SCN8A: variants seen among roughly 807,000 people sequenced by gnomAD.
SCN8A encodes sodium voltage-gated channel alpha subunit 8.
A neutral mutation model predicts 184.1 loss-of-function variants in SCN8A; 30 were observed. The ratio of observed to expected loss-of-function variants is 0.16; its 90% CI spans 0.12 to 0.22. The LOEUF (loss-of-function observed/expected upper bound fraction) is 0.22. Among genes scored for constraint, SCN8A ranks in the 10% least tolerant of loss-of-function variants. The pLI is 1.00. For missense variants in SCN8A, 1,057 were observed against 2,498.9 expected, an observed-to-expected ratio of 0.42 and a Z score of 12.30; for synonymous variants, 852 against 907.0, an observed-to-expected ratio of 0.94 and a Z score of 1.09.
intron 24 of SCN8A, among the ~76,000 whole-genome samples, 158 bp from the exon 25 acceptor site, chr12:51,790,240 T>C (rs1356942969): frequency 6.6e-6 from 1 of 152,226 alleles, no homozygotes; most frequent in South Asian, 2.1e-4. Flanking sequence ...TCTTTAGAGC[T>C]GAATGATTAT....
chr12:51,612,775 G>A (rs1227663861), intron 1 of SCN8A, among the ~76,000 whole-genome samples: 2 of 152,070 alleles, frequency 1.3e-5, no homozygotes, highest in Admixed American at 6.6e-5. Context: ...AGGCTGGAGT[G>A]CAATGGTACG....
At chr12:51,618,458 A>AACACACACAC (rs56163627) in intron 1 of SCN8A, among the ~76,000 whole-genome samples, 90 of 138,938 alleles carry the variant, frequency 6.5e-4, no homozygotes, top group African/African-American at 2.2e-3. Context: ...ATACCAGAGC[A>AACACACACAC]ACACACACAC....
At chr12:51,728,966 T>C (rs1942198220) in intron 12 of SCN8A, among the ~76,000 whole-genome samples, 1 of 152,110 alleles carries the variant, frequency 6.6e-6, no homozygotes, top group Non-Finnish European at 1.5e-5. Flanking sequence ...CACCTGTAAA[T>C]CTTTGCCACT....
intron 2 of SCN8A, among the ~76,000 whole-genome samples, chr12:51,679,098 A>AAT (rs1941279517): frequency 6.6e-6 from 1 of 151,096 alleles, no homozygotes; most frequent in African/African-American, 2.4e-5. Context: ...AAAAATAAAA[A>AAT]AAAATAAAGC....
chr12:51,703,397 G>A (rs1941725675), intron 9 of SCN8A, among the ~76,000 whole-genome samples: 1 of 152,072 alleles, frequency 6.6e-6, no homozygotes, highest in African/African-American at 2.4e-5. Flanking sequence ...TCCCACTGTG[G>A]CCTCCCAAAG....
chr12:51,790,878 T>C (rs545407061), intron 25 of SCN8A, among the ~76,000 whole-genome samples: 3 of 152,356 alleles, frequency 2.0e-5, no homozygotes, highest in Admixed American at 1.3e-4. Flanking sequence ...TTTTTTCAGC[T>C]TCTCTCTGCT....
rs369870884 is a variant in SCN8A at position 51,597,609 on chromosome 12, G to A, written c.-55+6250G>A. ...ATGTTACTTTTACTTTTTAGATAAT[G>A]ATTGATAAAGGAAGAGATGGCAACT... On this transcript the variant is annotated intron_variant, in intron 1 of 26. Transcript: ENST00000627620. 9.8e-4 allele frequency among the ~76,000 whole-genome samples: 149 copies of A among 152,250 alleles called. 1 individual carries two copies. Among genetic ancestry groups the A allele is most frequent in the African/African-American group, 2.5e-3 (104 of 41,554 alleles).
At chr12:51,627,026 G>A (rs781554928) in intron 1 of SCN8A, among the ~76,000 whole-genome samples, 16 of 152,106 alleles carry the variant, frequency 1.1e-4, no homozygotes, top group African/African-American at 2.4e-5. Flanking sequence ...GCCTCTAACA[G>A]GCAGTAATGG....
At chr12:51,770,301 C>G in intron 18 of SCN8A, 1 of 595,276 alleles carries the variant, frequency 1.7e-6, no homozygotes, top group Non-Finnish European at 2.9e-6. Context: ...CTCACTGCTT[C>G]TTTGTAGGAC....
intron 12 of SCN8A, among the ~76,000 whole-genome samples, chr12:51,724,194 C>A (rs775560666): frequency 6.6e-5 from 10 of 152,038 alleles, no homozygotes; most frequent in Admixed American, 2.0e-4. Context: ...GCCTATAATC[C>A]CAGCACTTTA....
chr12:51,675,494 G>A (rs1941207499), intron 2 of SCN8A, among the ~76,000 whole-genome samples: 1 of 152,176 alleles, frequency 6.6e-6, no homozygotes, highest in Non-Finnish European at 1.5e-5. Context: ...AACAGTTAAA[G>A]TTATTAAGTA....
chr12:51,599,031 AG>A (rs1206130314), intron 1 of SCN8A, among the ~76,000 whole-genome samples: 2 of 152,172 alleles, frequency 1.3e-5, no homozygotes, highest in African/African-American at 4.8e-5. Context: ...CATTGCTTTT[AG>A]GGTTTTCCTT....
At chr12:51,662,177 A>G (rs981621468) in intron 1 of SCN8A, among the ~76,000 whole-genome samples, 1 of 152,226 alleles carries the variant, frequency 6.6e-6, no homozygotes, top group Non-Finnish European at 1.5e-5. Flanking sequence ...TTTATGCTGG[A>G]TGGATTTTAC....
At chr12:51,705,109 A>G (rs1941760941) in intron 9 of SCN8A, among the ~76,000 whole-genome samples, 1 of 152,208 alleles carries the variant, frequency 6.6e-6, no homozygotes, top group African/African-American at 2.4e-5. Flanking sequence ...TTTTCTTTAT[A>G]CTTGTCTTAG....
intron 20 of SCN8A, 83 bp from the exon 21 acceptor site, chr12:51,780,561 CTTTCT>C (rs1937869924): frequency 4.4e-6 from 2 of 457,872 alleles, no homozygotes; most frequent in African/African-American, 1.1e-4. Flanking sequence ...CCTCTGTTTT[CTTTCT>C]TTTTTTTTTT....
At chr12:51,621,364 T>C (rs528458300) in intron 1 of SCN8A, among the ~76,000 whole-genome samples, 2 of 152,328 alleles carry the variant, frequency 1.3e-5, no homozygotes, top group Admixed American at 6.5e-5. Context: ...ACGTGGTCAA[T>C]GTACGTCTTT....
intron 2 of SCN8A, among the ~76,000 whole-genome samples, chr12:51,678,267 T>A (rs1292466630): frequency 1.3e-5 from 2 of 152,172 alleles, no homozygotes; most frequent in Non-Finnish European, 2.9e-5. Flanking sequence ...GTGACGCAGT[T>A]CTGCCTTGGG....
intron 1 of SCN8A, among the ~76,000 whole-genome samples, chr12:51,652,248 T>G (rs1183680729): frequency 1.3e-5 from 2 of 152,138 alleles, no homozygotes; most frequent in African/African-American, 2.4e-5. Flanking sequence ...TTTTCTTATA[T>G]CTTACCTTCC....
intron 12 of SCN8A, among the ~76,000 whole-genome samples, chr12:51,745,341 G>A (rs1016148807): frequency 1.6e-4 from 24 of 152,306 alleles, no homozygotes; most frequent in African/African-American, 5.8e-4. Flanking sequence ...GAGATCTGGA[G>A]CAGATCTTCA....
Sources: allele counts gnomAD v4.1 joint callset (sites outside exome capture counted in the v4.1 genomes callset), GRCh38; gene constraint gnomAD v4.1.1; transcripts MANE v1.5; gene names NCBI Gene and HGNC (gene_info 2026-07-23, HGNC 2026-07-21).